The following MIR2052HG variants were observed in gnomAD, a reference collection of about 807,000 sequenced individuals.
MIR2052HG encodes the protein MIR2052 host gene.
chr8:74,703,500 A>G (rs1809378181), intron 3 of MIR2052HG: 1 of 320,186 alleles, frequency 3.1e-6, no homozygotes, highest in Non-Finnish European at 6.2e-6. Context: ...TACTCCATGG[A>G]TAACAGCAGG....
intron 1 of MIR2052HG, among the ~76,000 whole-genome samples, chr8:74,608,764 T>C (rs1383707196): frequency 6.6e-6 from 1 of 151,898 alleles, no homozygotes; most frequent in East Asian, 1.9e-4. Context: ...AAAATGAAAA[T>C]ACAGTATCAA....
chr8:74,758,185 G>A (rs1810024197), intron 6 of MIR2052HG: 1 of 151,776 alleles, frequency 6.6e-6, no homozygotes, highest in Non-Finnish European at 1.5e-5. Context: ...TGTCTCTATT[G>A]CTTTAATTTC....
At chr8:74,686,563 A>C (rs1809183062) in intron 2 of MIR2052HG, among the ~76,000 whole-genome samples, 1 of 152,084 alleles carries the variant, frequency 6.6e-6, no homozygotes. Context: ...CAGCACTTGA[A>C]TGAGATCTGC....
At chr8:74,653,646 C>G (rs1563523740) in intron 2 of MIR2052HG, among the ~76,000 whole-genome samples, 1 of 151,998 alleles carries the variant, frequency 6.6e-6, no homozygotes, top group African/African-American at 2.4e-5. Context: ...TGTGTTCAAA[C>G]CAATGGGACC....
intron 4 of MIR2052HG, among the ~76,000 whole-genome samples, chr8:74,710,342 CT>C (rs1178186229): frequency 6.6e-6 from 1 of 151,986 alleles, no homozygotes; most frequent in Non-Finnish European, 1.5e-5. Flanking sequence ...TTTATTAGTC[CT>C]TTTGTGATCT....
At chr8:74,634,518 A>AT (rs933363698) in intron 2 of MIR2052HG, among the ~76,000 whole-genome samples, 9 of 151,574 alleles carry the variant, frequency 5.9e-5, no homozygotes, top group South Asian at 2.1e-4. Context: ...TTCACCTTAA[A>AT]TTTTTTTTTG....
intron 2 of MIR2052HG, among the ~76,000 whole-genome samples, chr8:74,629,039 G>A (rs117984077): frequency 4.6e-4 from 70 of 152,088 alleles, no homozygotes; most frequent in African/African-American, 1.6e-3. Context: ...TTTATTGAAC[G>A]AGGACTTTTT....
intron 4 of MIR2052HG, among the ~76,000 whole-genome samples, chr8:74,724,674 T>A (rs1311483341): frequency 1.3e-5 from 2 of 152,216 alleles, no homozygotes; most frequent in African/African-American, 4.8e-5. Flanking sequence ...CCAACCCCCA[T>A]GCTGACATTT....
chr8:74,723,444 G>A (rs1242345682), intron 4 of MIR2052HG, among the ~76,000 whole-genome samples: 3 of 152,190 alleles, frequency 2.0e-5, no homozygotes, highest in Non-Finnish European at 4.4e-5. Context: ...AGGCTTTGGA[G>A]TCAGACAGAC....
intron 2 of MIR2052HG, among the ~76,000 whole-genome samples, chr8:74,617,294 C>T (rs1271699897): frequency 6.6e-6 from 1 of 152,026 alleles, no homozygotes; most frequent in East Asian, 1.9e-4. Context: ...TCCGTATGTC[C>T]ATGTGTGCCC....
chr8:74,731,120 A>G (rs1001317437), intron 4 of MIR2052HG, among the ~76,000 whole-genome samples: 1 of 152,176 alleles, frequency 6.6e-6, no homozygotes, highest in Admixed American at 6.5e-5. Flanking sequence ...TGACTACTCC[A>G]GAACTGGAAT....
intron 2 of MIR2052HG, among the ~76,000 whole-genome samples, chr8:74,649,078 TTAGAA>T (rs1363633009): frequency 6.6e-6 from 1 of 150,966 alleles, no homozygotes; most frequent in Non-Finnish European, 1.5e-5. Flanking sequence ...AAAAAAAAAA[TTAGAA>T]TAGGAGACAC....
At chr8:74,744,615 G>T (rs1335893076) in intron 4 of MIR2052HG, among the ~76,000 whole-genome samples, 1 of 151,976 alleles carries the variant, frequency 6.6e-6, no homozygotes, top group Non-Finnish European at 1.5e-5. Flanking sequence ...TGAGAATGAT[G>T]ATTTCCAATT....
intron 2 of MIR2052HG, among the ~76,000 whole-genome samples, chr8:74,654,177 G>A (rs1025706368): frequency 6.6e-6 from 1 of 152,056 alleles, no homozygotes; most frequent in Non-Finnish European, 1.5e-5. Context: ...TTTTCAGTTA[G>A]AGGAGTTTCA....
chr8:74,743,981 A>C (rs1809857374), intron 4 of MIR2052HG, among the ~76,000 whole-genome samples: 1 of 152,224 alleles, frequency 6.6e-6, no homozygotes, highest in Admixed American at 6.5e-5. Context: ...GAAAACTATT[A>C]TAAGATAATT....
At chr8:74,714,698 C>CTTTTTTTTT (rs10715580) in intron 4 of MIR2052HG, among the ~76,000 whole-genome samples, 19 of 124,442 alleles carry the variant, frequency 1.5e-4, no homozygotes, top group South Asian at 5.1e-4. Context: ...CTTTTTCCTT[C>CTTTTTTTTT]TTTTTTTTTT....
intron 2 of MIR2052HG, among the ~76,000 whole-genome samples, chr8:74,614,034 C>T (rs1808240792): frequency 6.6e-6 from 1 of 152,218 alleles, no homozygotes; most frequent in Admixed American, 6.5e-5. Context: ...AACGATTTCA[C>T]ATCTTCCTCA....
At chr8:74,642,711 T>G (rs1808651075) in intron 2 of MIR2052HG, among the ~76,000 whole-genome samples, 1 of 152,174 alleles carries the variant, frequency 6.6e-6, no homozygotes, top group South Asian at 2.1e-4. Flanking sequence ...CCAGTTCATT[T>G]AACTAGATGA....
At chr8:74,754,500 G>A (rs914341266) in intron 5 of MIR2052HG, among the ~76,000 whole-genome samples, 10 of 151,778 alleles carry the variant, frequency 6.6e-5, no homozygotes, top group African/African-American at 2.2e-4. Flanking sequence ...AGTGTAGAAC[G>A]TGGAATTTTG....
Sources: allele counts gnomAD v4.1 joint callset (sites outside exome capture counted in the v4.1 genomes callset), GRCh38; gene constraint gnomAD v4.1.1; transcripts MANE v1.5; gene names NCBI Gene and HGNC (gene_info 2026-07-23, HGNC 2026-07-21).